The following WNK1 variants were observed in gnomAD, a reference collection of about 807,000 sequenced individuals.
WNK1 encodes the protein WNK lysine deficient protein kinase 1.
WNK1 carries 38 observed loss-of-function variants against 222.8 expected under a neutral mutation model. That is an observed-to-expected ratio of 0.17 (90% CI 0.13 to 0.22). The LOEUF (loss-of-function observed/expected upper bound fraction) is 0.22. WNK1 is among the 10% of genes least tolerant of loss of function. WNK1 has a pLI of 1.00. For synonymous variants in WNK1, 1,090 were observed against 1,092.9 expected, an observed-to-expected ratio of 1.00 and a Z score of 0.05; for missense variants, 2,348 against 2,918.4, an observed-to-expected ratio of 0.80 and a Z score of 4.50.
chr12:828,965 G>A (rs1326202683), intron 3 of WNK1, among the ~76,000 whole-genome samples: 1 of 152,120 alleles, frequency 6.6e-6, no homozygotes, highest in African/African-American at 2.4e-5. Context: ...ATGTAACTAG[G>A]GTTAGGAATG....
At chr12:889,349 G>T in intron 21 of WNK1, 126 bp downstream of exon 21, 1 of 829,712 alleles carries the variant, frequency 1.2e-6, no homozygotes, top group Non-Finnish European at 2.0e-6. Context: ...GCTTATTCTA[G>T]CCAAAAGAAA....
chr12:896,886 CCACA>C (rs34202153), intron 24 of WNK1, among the ~76,000 whole-genome samples, 154 bp downstream of exon 24: 2,453 of 134,372 alleles, frequency 0.018, 33 homozygotes, highest in South Asian at 0.025. Context: ...TACCTCCCCA[CCACA>C]CACACACACA....
chr12:838,077 CAG>C (rs1491406086), intron 4 of WNK1, among the ~76,000 whole-genome samples: 3 of 70,044 alleles, frequency 4.3e-5, no homozygotes, highest in African/African-American at 1.6e-4. Context: ...AGTAATATTC[CAG>C]TGTGTGTGTG....
At chr12:775,200 C>G (rs529706853) in intron 1 of WNK1, among the ~76,000 whole-genome samples, 19 of 152,254 alleles carry the variant, frequency 1.2e-4, no homozygotes, top group African/African-American at 4.1e-4. Flanking sequence ...AGCTCCTTAT[C>G]AATGTTTAAA....
intron 1 of WNK1, among the ~76,000 whole-genome samples, chr12:797,806 G>A (rs1241374451): frequency 2.6e-5 from 4 of 151,758 alleles, no homozygotes; most frequent in Admixed American, 6.6e-5. Flanking sequence ...AAAATTAGCC[G>A]GGCATGGTGG....
chr12:881,580 G>A (rs1953162745), intron 12 of WNK1, 112 bp from the exon 13 acceptor site: 2 of 822,402 alleles, frequency 2.4e-6, no homozygotes, highest in African/African-American at 1.7e-5. Flanking sequence ...AGTAAATTTA[G>A]TGCTTCTAGG....
At chr12:880,692 C>G in intron 11 of WNK1, 29 bp from the exon 12 acceptor site, 5 of 1,611,402 alleles carry the variant, frequency 3.1e-6, no homozygotes, top group Non-Finnish European at 4.2e-6. Flanking sequence ...CCAACCTGCT[C>G]TAACTCACCT....
intron 1 of WNK1, among the ~76,000 whole-genome samples, chr12:791,883 C>CA (rs1944876501): frequency 6.6e-6 from 1 of 152,074 alleles, no homozygotes; most frequent in Non-Finnish European, 1.5e-5. Flanking sequence ...GTTTAGAACA[C>CA]ATCATAATGT....
At chr12:785,474 C>T (rs780459444) in intron 1 of WNK1, among the ~76,000 whole-genome samples, 2 of 132,504 alleles carry the variant, frequency 1.5e-5, no homozygotes, top group African/African-American at 2.8e-5. Flanking sequence ...GATCTTGGCT[C>T]ACTGCAGCCT....
At chr12:851,486 C>G (rs760946915) in intron 4 of WNK1, 1 of 1,139,790 alleles carries the variant, frequency 8.8e-7, no homozygotes, top group African/African-American at 1.6e-5. Flanking sequence ...GTTGGGCATG[C>G]AGTTTTGTCC....
chr12:911,324 T>C lies in WNK1; in HGVS notation c.*2532T>C, dbSNP rs1956069449. ...AACTTTGGGGGTTTCTCAGCAGCCGTTAATTGTACATTTTGCACTAACTCT... is the reference window on the plus strand; with the variant it reads ...AACTTTGGGGGTTTCTCAGCAGCCGCTAATTGTACATTTTGCACTAACTCT... On this transcript the variant is annotated 3_prime_UTR_variant, in exon 28 of 28. Coordinates refer to ENST00000315939, the MANE Select transcript of WNK1 (RefSeq NM_018979.4). The C allele has an allele frequency of 7.5e-6, 3 of 398,286 alleles. No homozygotes were observed. Among genetic ancestry groups the C allele is most frequent in the East Asian group, 7.2e-5 (2 of 27,948 alleles). The allele number at this position is 398,286 out of a possible 1,614,324, so 24.7% of individuals were successfully genotyped here. A position where few individuals can be genotyped will look rare whatever the true frequency, so the allele number is the denominator to read the frequency against.
Position 827,506 on chromosome 12 carries a change from A to C in WNK1, c.1153+244A>C. 3.6e-6 allele frequency: 2 copies of C among 560,948 alleles called. No homozygotes were observed. The highest frequency in any genetic ancestry group is 5.7e-5 in the East Asian group (2 of 34,866). The allele number at this position is 560,948 out of a possible 1,614,324, so 34.7% of individuals were successfully genotyped here. On this transcript the variant is annotated intron_variant, in intron 3 of 27. Coordinates refer to ENST00000315939, the MANE Select transcript of WNK1 (RefSeq NM_018979.4). The surrounding 1 kb of genome is among the most constrained non-coding windows in gnomAD (Gnocchi z 4.6). ...AAGTGAACTTTGTTGATAAAACCTA[A>C]TGTAATAGCCTTTTTTGTTGTTGTT...
chr12:884,608 TTA>T lies in WNK1; in HGVS notation c.3845-40_3845-39del, dbSNP rs766744867. On this transcript the variant is annotated intron_variant, in intron 18 of 27. Transcript: ENST00000315939. This position sits in a 1 kb window ranked among gnomAD's most constrained non-coding sequence, Gnocchi z 5.6. ...CAGACAATCTTTTGAATCCATCCTT[TTA>T]AAATCAGCTGATTCTTATCTTTTTG... 4.4e-6 allele frequency: 7 copies of T among 1,592,180 alleles called. No homozygotes were observed. In the South Asian group the frequency reaches 7.7e-5, roughly 18 times the overall value.
intron 2 of WNK1, among the ~76,000 whole-genome samples, chr12:824,021 C>T (rs1179129313): frequency 6.6e-6 from 1 of 151,474 alleles, no homozygotes; most frequent in Non-Finnish European, 1.5e-5. Flanking sequence ...ATTCTCCAAC[C>T]TCAGCCTCCC....
In WNK1 at chr12:908,645, C is replaced by T. The variant is rs773710980; in HGVS notation, c.7002C>T (p.Gly2334=). The T allele has an allele frequency of 6.2e-6, 10 of 1,614,086 alleles. No homozygotes were observed. The highest frequency in any genetic ancestry group is 4.0e-5 in the African/African-American group (3 of 74,924). ...QQYGFPATPF[G]AQWSGTGGPA... ...ATGGCTTTCCAGCTACCCCATTTGG[C>T]GCTCAATGGAGTGGGACGGGTGGCC... The change falls in exon 28 of 28, where the codon GGC becomes GGT. Residue 2334 remains glycine, a synonymous_variant. Coordinates refer to ENST00000315939, the MANE Select transcript of WNK1 (RefSeq NM_018979.4).
chr12:907,803 A>G lies in WNK1; in HGVS notation c.6644-44A>G, dbSNP rs1205529187. 4.3e-6 allele frequency: 7 copies of G among 1,609,626 alleles called. No homozygotes were observed. In the African/African-American group the frequency reaches 9.4e-5, roughly 22 times the overall value. The stretch of plus-strand genomic sequence containing the variant: ...AAGTTTTCCCTCTTCCTGAAATTGT[A>G]ACCTAGGCTTCTTTTAATGCTCGTA... On this transcript the variant is annotated intron_variant, in intron 26 of 27. Coordinates refer to ENST00000315939, the MANE Select transcript of WNK1 (RefSeq NM_018979.4).
chr12:888,808 C>T (rs1953922870), intron 20 of WNK1, among the ~76,000 whole-genome samples: 1 of 152,140 alleles, frequency 6.6e-6, no homozygotes, highest in African/African-American at 2.4e-5. Context: ...GATCTTTGTA[C>T]ATTTTTCACA....
intron 1 of WNK1, among the ~76,000 whole-genome samples, chr12:780,633 C>G (rs1193006317): frequency 6.6e-6 from 1 of 152,222 alleles, no homozygotes; most frequent in Non-Finnish European, 1.5e-5. Flanking sequence ...TGTTAAGCTG[C>G]AGTTTCTTTT....
At chr12:888,914 AC>A (rs1321219586) in intron 20 of WNK1, among the ~76,000 whole-genome samples, 2 of 152,228 alleles carry the variant, frequency 1.3e-5, no homozygotes, top group Admixed American at 1.3e-4. Flanking sequence ...AACTGCAAAA[AC>A]ATGAACTACT....
Sources: gnomAD v4.1 joint callset for allele counts (sites outside exome capture counted in the v4.1 genomes callset) on GRCh38, gnomAD v4.1.1 for gene constraint, Gnocchi (gnomAD v3.1) non-coding constraint, MANE v1.5 for transcripts, NCBI Gene and HGNC (gene_info 2026-07-23, HGNC 2026-07-21) for gene names.